Variants in EFHC2 observed in about 807,000 individuals in gnomAD.
The protein encoded by EFHC2 is EF-hand domain containing 2, also known as EF-hand domain-containing family member C2.
Under a neutral mutation model 52.7 loss-of-function variants are expected in EFHC2, and 18 were observed. The ratio of observed to expected loss-of-function variants is 0.34; its 90% CI spans 0.24 to 0.51. EFHC2 has a LOEUF of 0.51. EFHC2 is among the 20% of genes least tolerant of loss of function. EFHC2 has a pLI of 0.97. For missense variants in EFHC2, 513 were observed against 562.5 expected (o/e 0.91, Z 0.89); for synonymous variants, 203 against 204.1 (o/e 0.99, Z 0.04).
chrX:44,244,848 T>C (rs1425877652), intron 7 of EFHC2, among the ~76,000 whole-genome samples: 1 of 112,186 alleles, frequency 8.9e-6, no homozygotes, highest in Non-Finnish European at 1.9e-5. Context: ...AAGACAAAGT[T>C]AGGCCAGGGC....
At chrX:44,164,158 C>T in intron 13 of EFHC2, 131 bp from the exon 14 acceptor site, 1 of 382,575 alleles carries the variant, frequency 2.6e-6, no homozygotes. Context: ...TTATTTCTTA[C>T]AATTTCTTAT....
At chrX:44,332,652 C>A (rs1167485730) in intron 1 of EFHC2, among the ~76,000 whole-genome samples, 1 of 111,353 alleles carries the variant, frequency 9.0e-6, no homozygotes, top group Non-Finnish European at 1.9e-5. Flanking sequence ...TAGCCGGAAT[C>A]CTACTGAGGG....
intron 2 of EFHC2, chrX:44,310,229 G>A (rs2037937030): frequency 2.7e-6 from 2 of 747,571 alleles, no homozygotes; most frequent in Non-Finnish European, 4.0e-6. Flanking sequence ...ACTCGATGGG[G>A]AAGATGACAA....
chrX:44,189,122 C>CAAA (rs35770665), intron 11 of EFHC2, among the ~76,000 whole-genome samples: 45 of 46,176 alleles, frequency 9.7e-4, no homozygotes, highest in African/African-American at 1.2e-3. Flanking sequence ...GACTCTATCT[C>CAAA]AAAAAAAAAA....
At chrX:44,194,226 A>T (rs947199971) in intron 11 of EFHC2, among the ~76,000 whole-genome samples, 2 of 97,076 alleles carry the variant, frequency 2.1e-5, no homozygotes, top group African/African-American at 7.9e-5. Context: ...AATTTCTTAC[A>T]TTTTATTGTT....
In EFHC2 at chrX:44,254,047, C is replaced by T. The variant is rs1206996113; in HGVS notation, c.607-3602G>A. On this transcript the variant is annotated intron_variant, in intron 4 of 14. Coordinates refer to ENST00000420999, the MANE Select transcript of EFHC2 (RefSeq NM_025184.4). ...AGAAGCCTGACTATTAGAAGGAAAA[C>T]TAACAAACAGAAAGGAATAGCATCA... 3.6e-5 allele frequency among the ~76,000 whole-genome samples: 4 copies of T among 112,452 alleles called. No homozygotes were observed. The East Asian group carries it at 8.4e-4, about 24-fold the overall frequency.
At chrX:44,225,556 G>T (rs1003993704) in intron 11 of EFHC2, 1 of 112,512 alleles carries the variant, frequency 8.9e-6, no homozygotes, top group African/African-American at 3.2e-5. Flanking sequence ...GCAGAAGAGA[G>T]TCAGGGCCAC....
rs746483056 is a variant in EFHC2, at chrX:44,176,399, C to T, written c.1950-15G>A. ...ATACATTTTTTCTGCATTAAAACAA[C>T]GTAAATGAGCTTTTATATACCTTGT... On this transcript the variant is annotated splice_polypyrimidine_tract_variant and intron_variant, in intron 12 of 14. Transcript: ENST00000420999. 1.4e-5 allele frequency: 15 copies of T among 1,103,955 alleles called. No individual in the cohort carries two copies. The highest frequency in any genetic ancestry group is 1.6e-5 in the Non-Finnish European group (13 of 816,298). The allele number at this position is 1,103,955 out of a possible 1,213,427, so 91.0% of individuals were successfully genotyped here.
intron 3 of EFHC2, 32 bp from the exon 4 acceptor site, chrX:44,261,330 T>C (rs2037537179): frequency 9.0e-7 from 1 of 1,109,145 alleles, no homozygotes. Flanking sequence ...AACTGTTTTA[T>C]CATGTGGCTA....
chrX:44,235,101 A>C (rs1222544120), intron 9 of EFHC2, among the ~76,000 whole-genome samples: 2 of 110,945 alleles, frequency 1.8e-5, no homozygotes. Context: ...AGCCAACCAA[A>C]ACTGTTCCAC....
intron 3 of EFHC2, among the ~76,000 whole-genome samples, chrX:44,268,672 T>C (rs2037595154): frequency 8.9e-6 from 1 of 111,937 alleles, no homozygotes; most frequent in Non-Finnish European, 1.9e-5. Context: ...AATACTATTA[T>C]ATAATCAAAT....
chrX:44,203,927 C>T (rs2037026071), intron 11 of EFHC2, among the ~76,000 whole-genome samples: 1 of 110,567 alleles, frequency 9.0e-6, no homozygotes, highest in Admixed American at 9.7e-5. Flanking sequence ...CTTCCTGCCA[C>T]CACCATCAGG....
chrX:44,174,653 G>GT (rs1430273080), intron 13 of EFHC2, among the ~76,000 whole-genome samples: 1 of 101,327 alleles, frequency 9.9e-6, no homozygotes, highest in African/African-American at 3.6e-5. Context: ...AAAAAAAAAG[G>GT]GGGGGGGAGG....
At position 44,275,953 on chromosome X, in the gene EFHC2, G is replaced by C. The variant is rs767349105; in HGVS notation, c.232-3117C>G. Among the ~76,000 whole-genome samples, 21 of 109,451 alleles carry C rather than the reference G, an allele frequency of 1.9e-4. No individual in the cohort carries two copies. In the East Asian group the frequency reaches 6.0e-3, roughly 31 times the overall value. The stretch of plus-strand genomic sequence containing the variant: ...GAAAAAAGAAAAATAAGGTCCTAGA[G>C]GATGTAATTGGCTGCAATTTTCTTG... On this transcript the variant is annotated intron_variant, in intron 2 of 14. Coordinates refer to ENST00000420999, the MANE Select transcript of EFHC2 (RefSeq NM_025184.4).
chrX:44,248,974 A>G (rs2147335032), intron 5 of EFHC2, 58 bp from the exon 6 acceptor site: 1 of 848,500 alleles, frequency 1.2e-6, no homozygotes. Context: ...CTTTCTTACT[A>G]TAACCCCAGG....
rs764578894 is a variant in EFHC2 at position 44,148,819 on chromosome X, G to A, written c.2226C>T (p.Asp742=). Residue 742 remains aspartate (D), a synonymous_variant, in exon 15 of 15, where the codon GAC becomes GAT. Transcript: ENST00000420999. The stretch of plus-strand genomic sequence containing the variant: ...GTTATTCCTCCTCTAAGCCAAACGC[G>A]TCCTTCAAAAAGGTCCAGTAGTCAA... ...KYIDYWTFLK[D]AFGLEEE is the part of the protein sequence containing the mutation. 4.7e-5 allele frequency: 56 copies of A among 1,182,042 alleles called. No homozygotes were observed. Among genetic ancestry groups the A allele is most frequent in the South Asian group, 4.0e-4 (21 of 52,719 alleles).
chrX:44,305,284 CA>C (rs897440176), intron 2 of EFHC2, among the ~76,000 whole-genome samples: 1 of 111,060 alleles, frequency 9.0e-6, no homozygotes, highest in African/African-American at 3.3e-5. Context: ...TAAAATAAAA[CA>C]AAATTAATGC....
chrX:44,203,386 T>C (rs182834735), intron 11 of EFHC2, among the ~76,000 whole-genome samples: 1 of 111,021 alleles, frequency 9.0e-6, no homozygotes, highest in African/African-American at 3.3e-5. Flanking sequence ...ACTGTGGGAA[T>C]AGGCTCTGCT....
At chrX:44,179,612 C>A (rs1209040715) in intron 11 of EFHC2, among the ~76,000 whole-genome samples, 1 of 112,002 alleles carries the variant, frequency 8.9e-6, no homozygotes, top group East Asian at 2.8e-4. Flanking sequence ...ACATCTACTT[C>A]TCAAGTTTCC....
Sources: gnomAD v4.1 joint callset for allele counts (sites outside exome capture counted in the v4.1 genomes callset) on GRCh38, gnomAD v4.1.1 for gene constraint, MANE v1.5 for transcripts, NCBI Gene and HGNC (gene_info 2026-07-23, HGNC 2026-07-21) for gene names.